The following DMBT1 variants were observed in gnomAD, a reference collection of about 807,000 sequenced individuals.
The protein encoded by DMBT1 is scavenger receptor cysteine-rich domain-containing protein DMBT1.
In DMBT1, 198 loss-of-function variants were observed where a neutral mutation model predicts 252.9. The ratio of observed to expected loss-of-function variants is 0.78; its 90% CI spans 0.70 to 0.88. The LOEUF is 0.88. Among genes scored for constraint, DMBT1 ranks in the 40% least tolerant of loss-of-function variants. The pLI is 0.00. For missense variants in DMBT1, 2,432 were observed against 2,404.7 expected, an observed-to-expected ratio of 1.01 and a Z score of -0.24; for synonymous variants, 990 against 942.7, an observed-to-expected ratio of 1.05 and a Z score of -0.92.
At chr10:122,634,426 TCTCTTCTCTCTCTCTCTCTCTCTCTCTC>T (rs1304598700) in intron 52 of DMBT1, among the ~76,000 whole-genome samples, 12 of 74,842 alleles carry the variant, frequency 1.6e-4, no homozygotes, top group African/African-American at 9.6e-4. Context: ...TCTCTCTCTC[TCTCTTCTCTCTCTCTCTCTCTCTCTCTC>T]TCTCTCTCTC....
At chr10:122,574,753 A>G (rs1238160198) in intron 6 of DMBT1, among the ~76,000 whole-genome samples, 1 of 152,194 alleles carries the variant, frequency 6.6e-6, no homozygotes, top group Non-Finnish European at 1.5e-5. Flanking sequence ...CCTTGGTGGG[A>G]CAAGCCCTTT....
chr10:122,561,003 T>C (rs543522525), intron 1 of DMBT1, among the ~76,000 whole-genome samples, 172 bp downstream of exon 1: 7 of 152,242 alleles, frequency 4.6e-5, no homozygotes, highest in Non-Finnish European at 8.8e-5. Context: ...CTTTTTTGTT[T>C]TATTTCTGGC....
chr10:122,620,339 A>T (rs757215117), intron 43 of DMBT1, 48 bp downstream of exon 43: 24 of 1,594,026 alleles, frequency 1.5e-5, no homozygotes, highest in Non-Finnish European at 2.1e-5. Flanking sequence ...CTACCTCTGG[A>T]CAAACGTTTC....
At chr10:122,638,706 A>G (rs1339272151) in intron 54 of DMBT1, among the ~76,000 whole-genome samples, 1 of 152,142 alleles carries the variant, frequency 6.6e-6, no homozygotes, top group East Asian at 1.9e-4. Context: ...TGGCCTCCCA[A>G]ATGCTGGGAT....
At position 122,570,911 on chromosome 10, in the gene DMBT1, C is replaced by T. The variant is rs3013236; in HGVS notation, c.161C>T (p.Ser54Leu). The T allele has an allele frequency of 0.7, 1,125,175 of 1,610,984 alleles. 394,785 individuals carry two copies. Among genetic ancestry groups the T allele is most frequent in the Admixed American group, 0.82 (48,958 of 60,010 alleles). Reference protein sequence around the residue: ...VAEGSPFPSESTLESTVAEGS... With the variant: ...VAEGSPFPSELTLESTVAEGS... The stretch of plus-strand genomic sequence containing the variant: ...GCAGGTTCTCCATTTCCCTCGGAGT[C>T]GACCCTGGAGTCAACTGTAGCAGAA... Residue 54 changes from serine to leucine, a missense_variant, in exon 4 of 56, where the codon TCG becomes TTG. Ser to Leu is a moderately radical substitution (Grantham distance 145). Around this residue, in one of 3 missense-constraint regions of DMBT1, gnomAD observed 1,264 missense variants for 1,082.2 expected, o/e 1.17. Coordinates refer to ENST00000338354, the MANE Select transcript of DMBT1 (RefSeq NM_001377530.1).
chr10:122,635,776 G>A (rs1403472427), intron 52 of DMBT1, among the ~76,000 whole-genome samples: 1 of 152,064 alleles, frequency 6.6e-6, no homozygotes, highest in African/African-American at 2.4e-5. Context: ...GGCTGGTCTC[G>A]AACTTATGAC....
intron 8 of DMBT1, 59 bp from the exon 9 acceptor site, chr10:122,578,659 T>C (rs1348043423): frequency 7.4e-6 from 11 of 1,483,258 alleles, no homozygotes; most frequent in Admixed American, 3.8e-5. Flanking sequence ...GAACCGCTTG[T>C]TTTTTACCTT....
intron 6 of DMBT1, among the ~76,000 whole-genome samples, chr10:122,576,097 C>T (rs532806000): frequency 1.3e-5 from 2 of 152,184 alleles, no homozygotes; most frequent in African/African-American, 4.8e-5. Context: ...CTGAGGGAAT[C>T]AGGCAGAGCC....
intron 18 of DMBT1, among the ~76,000 whole-genome samples, 196 bp from the exon 19 acceptor site, chr10:122,591,283 G>T (rs564339075): frequency 1.3e-5 from 2 of 148,722 alleles, no homozygotes; most frequent in Non-Finnish European, 3.0e-5. Flanking sequence ...AGGAGGGATC[G>T]GACTGGTCTC....
chr10:122,585,250 T>G, intron 14 of DMBT1, 21 bp from the exon 15 acceptor site: 2 of 1,585,514 alleles, frequency 1.3e-6, no homozygotes, highest in Non-Finnish European at 1.7e-6. Flanking sequence ...ATTCTAGCCT[T>G]TGTCTCTGTT....
chr10:122,589,830 G>A (rs2097831741), intron 17 of DMBT1, among the ~76,000 whole-genome samples: 1 of 148,492 alleles, frequency 6.7e-6, no homozygotes, highest in African/African-American at 2.4e-5. Context: ...CCCTGATCAG[G>A]GAGGGCACTA....
At chr10:122,588,851 T>C in intron 16 of DMBT1, 93 bp from the exon 17 acceptor site, 1 of 1,563,504 alleles carries the variant, frequency 6.4e-7, no homozygotes, top group Non-Finnish European at 8.7e-7. Context: ...CCAGGTGACT[T>C]TGGCCATTAG....
At position 122,619,295 on chromosome 10, in the gene DMBT1, C is replaced by A; in HGVS notation, c.5216-13C>A. 1 of 1,614,010 alleles carries A rather than the reference C, an allele frequency of 6.2e-7. No homozygotes were observed. Among genetic ancestry groups the A allele is most frequent in the Non-Finnish European group, 8.5e-7 (1 of 1,179,886 alleles). On this transcript the variant is annotated splice_polypyrimidine_tract_variant and intron_variant, in intron 41 of 55. Transcript: ENST00000338354. ...AGTGCATCTGATCTGACCTTCTCTT[C>A]TCTTTCTCACAGCTGCTCAGTCCCA...
At chr10:122,622,882 C>T (rs185553083) in intron 44 of DMBT1, among the ~76,000 whole-genome samples, 2 of 152,288 alleles carry the variant, frequency 1.3e-5, no homozygotes, top group Admixed American at 1.3e-4. Context: ...CTCAGTTGGA[C>T]CCTTCCTTTC....
rs538807853 is a variant in DMBT1, at chr10:122,625,919, AT to A, written c.5636-5del. The A allele has an allele frequency of 5.5e-5, 87 of 1,583,696 alleles. No homozygotes were observed. The highest frequency in any genetic ancestry group is 3.3e-4 in the Middle Eastern group (2 of 6,000). On this transcript the variant is annotated splice_polypyrimidine_tract_variant and intron_variant, in intron 45 of 55. Transcript: ENST00000338354. Reference sequence around the variant, plus strand: ...ATCTACTAAAATCCTAAACAGCTTCATTTTTTTTTCTAGATTGGTGGCATCC... The same window carrying A: ...ATCTACTAAAATCCTAAACAGCTTCATTTTTTTTCTAGATTGGTGGCATCC...
chr10:122,630,520 G>T (rs747015480), intron 48 of DMBT1, 30 bp downstream of exon 48: 2 of 1,606,066 alleles, frequency 1.2e-6, no homozygotes, highest in South Asian at 2.2e-5. Flanking sequence ...TGCCTATGAG[G>T]CTTGGTGGAT....
In DMBT1 at chr10:122,631,002, C is replaced by T. The variant is rs780933860; in HGVS notation, c.6067C>T (p.Leu2023=). The T allele has an allele frequency of 1.2e-6, 2 of 1,611,952 alleles. No homozygotes were observed. Among genetic ancestry groups the T allele is most frequent in the Admixed American group, 1.7e-5 (1 of 59,996 alleles). ...GGTCAATTTAAATTCATCCTATGGT[C>T]TATGTGCCGGGCGTGTAGAAATTTA... ...RLVNLNSSYG[L]CAGRVEIYHG... is the part of the protein sequence containing the mutation. Residue 2023 remains leucine, a synonymous_variant, in exon 49 of 56, where the codon CTA becomes TTA. Transcript: ENST00000338354.
chr10:122,569,752 C>T (rs1308604254), intron 2 of DMBT1, among the ~76,000 whole-genome samples: 2 of 152,222 alleles, frequency 1.3e-5, no homozygotes, highest in African/African-American at 4.8e-5. Flanking sequence ...GGTATTCTTT[C>T]GAAACCACCT....
chr10:122,576,704 G>C lies in DMBT1; in HGVS notation c.589G>C (p.Ala197Pro). Residue 197 changes from alanine (A) to proline (P), a missense_variant, in exon 7 of 56, where the codon GCT (alanine) becomes CCT (proline). By Grantham distance (27) the Ala-to-Pro change is conservative. Around this residue, in one of 3 missense-constraint regions of DMBT1, gnomAD observed 1,264 missense variants for 1,082.2 expected, o/e 1.17. Transcript: ENST00000338354. The part of the protein sequence containing the change: ...LSHNCGHGED[A>P]GVICSAAQPQ... ...CCATAACTGTGGCCATGGTGAAGATGCTGGTGTTATCTGCTCAGGTAGGCA... is the reference window on the plus strand; with the variant it reads ...CCATAACTGTGGCCATGGTGAAGATCCTGGTGTTATCTGCTCAGGTAGGCA... 1 of 1,613,784 alleles carries C rather than the reference G, an allele frequency of 6.2e-7. No individual in the cohort carries two copies. Among genetic ancestry groups the C allele is most frequent in the Non-Finnish European group, 8.5e-7 (1 of 1,179,724 alleles).
Sources: gnomAD v4.1 joint callset for allele counts (sites outside exome capture counted in the v4.1 genomes callset) on GRCh38, gnomAD v4.1.1 for gene constraint, gnomAD v4.1.1 regional missense constraint, MANE v1.5 for transcripts, NCBI Gene and HGNC (gene_info 2026-07-23, HGNC 2026-07-21) for gene names.